The following LMLN variants were observed in gnomAD, a reference collection of about 807,000 sequenced individuals.
The protein encoded by LMLN is leishmanolysin-like peptidase.
LMLN carries 70 observed loss-of-function variants against 92.3 expected under a neutral mutation model. The observed-to-expected ratio is 0.76, with a 90% CI of 0.63 to 0.92. The LOEUF (loss-of-function observed/expected upper bound fraction) is 0.92. LMLN is among the 40% of genes least tolerant of loss of function. The pLI, the probability that LMLN is intolerant of heterozygous loss-of-function variation, is 0.00. For missense variants in LMLN, 691 were observed against 814.6 expected (o/e 0.85, Z 1.85); for synonymous variants, 308 against 296.2 (o/e 1.04, Z -0.41).
intron 3 of LMLN, among the ~76,000 whole-genome samples, chr3:197,975,495 A>G (rs1721345558): frequency 6.7e-6 from 1 of 148,198 alleles, no homozygotes; most frequent in South Asian, 2.1e-4. Context: ...GCATGCACAC[A>G]CACGCGCACG....
intron 1 of LMLN, among the ~76,000 whole-genome samples, chr3:197,966,261 C>G (rs1353877277): frequency 6.6e-6 from 1 of 152,154 alleles, no homozygotes; most frequent in Admixed American, 6.5e-5. Context: ...AGGCTAGTCT[C>G]AAACTCCTGA....
At chr3:197,966,398 A>T (rs1721062047) in intron 1 of LMLN, among the ~76,000 whole-genome samples, 3 of 152,180 alleles carry the variant, frequency 2.0e-5, no homozygotes. Context: ...GTTGAATAAG[A>T]GTGGTGAGAG....
intron 11 of LMLN, among the ~76,000 whole-genome samples, chr3:198,014,940 C>T (rs1192882390): frequency 1.4e-5 from 2 of 138,560 alleles, no homozygotes; most frequent in Non-Finnish European, 3.1e-5. Flanking sequence ...TCTGACTTCT[C>T]TCCACCCTTC....
At chr3:198,014,848 C>T (rs1722576156) in intron 11 of LMLN, among the ~76,000 whole-genome samples, 1 of 130,664 alleles carries the variant, frequency 7.7e-6, no homozygotes. Context: ...TCAGAGCCCC[C>T]TAACTAGTCT....
intron 5 of LMLN, among the ~76,000 whole-genome samples, chr3:197,980,110 A>G (rs899879846): frequency 6.6e-6 from 1 of 152,208 alleles, no homozygotes; most frequent in African/African-American, 2.4e-5. Flanking sequence ...TTATAGGTTT[A>G]TGATCATTTT....
In LMLN at chr3:197,976,521, G is replaced by C. The variant is rs906352669; in HGVS notation, c.432-77G>C. The C allele has an allele frequency of 4.2e-6, 3 of 719,042 alleles. No individual in the cohort carries two copies. In the African/African-American group the frequency reaches 5.4e-5, roughly 13 times the overall value. 44.5% of individuals were successfully genotyped at this position (719,042 alleles called of 1,614,324 possible). A position where few individuals can be genotyped will look rare whatever the true frequency, so the allele number is the denominator to read the frequency against. ...TAATGAAGTAATATAGCAGCTACCA[G>C]TTGGTTTCCATGTTTTTAACTGCTA... On this transcript the variant is annotated intron_variant, in intron 4 of 15. Coordinates refer to ENST00000330198, the Ensembl canonical transcript of LMLN.
At chr3:198,023,121 A>G (rs115789269) in intron 13 of LMLN, among the ~76,000 whole-genome samples, 1,833 of 152,278 alleles carry the variant, frequency 0.012, 15 homozygotes, top group Non-Finnish European at 0.017. Flanking sequence ...TACAGACAGT[A>G]TGTACGTGAA....
At chr3:198,000,654 G>C (rs115583786) in intron 11 of LMLN, among the ~76,000 whole-genome samples, 9,832 of 151,774 alleles carry the variant, frequency 0.065, 378 homozygotes, top group African/African-American at 0.1. Context: ...TCTGGAACTC[G>C]TGACCTCAGG....
chr3:198,035,356 T>C (rs909390308), intron 14 of LMLN, among the ~76,000 whole-genome samples: 2 of 133,350 alleles, frequency 1.5e-5, no homozygotes, highest in African/African-American at 6.9e-5. Flanking sequence ...AATAACCCTC[T>C]TTTGGTTTTT....
chr3:197,987,402 A>C (rs1190321377), intron 8 of LMLN, among the ~76,000 whole-genome samples: 1 of 138,072 alleles, frequency 7.2e-6, no homozygotes, highest in Non-Finnish European at 1.6e-5. Flanking sequence ...CTCGTGATCC[A>C]CCCCTCTCGG....
chr3:198,015,827 A>G (rs1722622307), intron 11 of LMLN, among the ~76,000 whole-genome samples: 1 of 152,198 alleles, frequency 6.6e-6, no homozygotes, highest in African/African-American at 2.4e-5. Flanking sequence ...TAGAAGGGGG[A>G]ATAGAGAAAA....
intron 11 of LMLN, among the ~76,000 whole-genome samples, chr3:198,016,895 A>C (rs1722655794): frequency 6.6e-6 from 1 of 151,998 alleles, no homozygotes; most frequent in Admixed American, 6.6e-5. Context: ...ACAACTACTT[A>C]CCTCTACTTT....
rs1037879244 is a variant in LMLN at position 198,042,310 on chromosome 3, G to A, written c.*3643G>A. The A allele has an allele frequency of 2.0e-5, 3 of 151,906 alleles. No individual in the cohort carries two copies. Among genetic ancestry groups the A allele is most frequent in the Non-Finnish European group, 2.9e-5 (2 of 68,024 alleles). 9.4% of individuals were successfully genotyped at this position (151,906 alleles called of 1,614,324 possible). On this transcript the variant is annotated 3_prime_UTR_variant, in exon 16 of 16. Coordinates refer to ENST00000330198, the Ensembl canonical transcript of LMLN. The surrounding 1 kb of genome is among the most constrained non-coding windows in gnomAD (Gnocchi z 4.2). Reference sequence around the variant, plus strand: ...CGGGAGGCCAAGGCAAGCAGATCACGAGATCAGGAGTTTGAGGTTACAGTG... The same window carrying A: ...CGGGAGGCCAAGGCAAGCAGATCACAAGATCAGGAGTTTGAGGTTACAGTG...
chr3:198,038,944 GTCAGCAACCCAGCCACCTTCA>G (rs1723317562), exon 16 of LMLN: 3 of 178,978 alleles, frequency 1.7e-5, no homozygotes, highest in Non-Finnish European at 1.8e-5. Context: ...CAACCACCTC[GTCAGCAACCCAGCCACCTTCA>G]TCAGCAACCC....
chr3:197,963,198 TCTC>T lies in LMLN; in HGVS notation c.219+2759_219+2761del, dbSNP rs767627756. On this transcript the variant is annotated intron_variant, in intron 1 of 15. Coordinates refer to ENST00000330198, the Ensembl canonical transcript of LMLN. ...ATTTTTTCTTCTGTTTTCTTTTCTC[TCTC>T]TTTTTTTTTTTTGTTTTGTTTTGAG... Among the ~76,000 whole-genome samples, 654 of 122,326 alleles carry T rather than the reference TCTC, an allele frequency of 5.3e-3. 5 individuals are homozygous for T. The highest frequency in any genetic ancestry group is 0.034 in the African/African-American group (616 of 18,208). The allele number at this position is 122,326 out of a possible 152,430, so 80.3% of individuals were successfully genotyped here.
chr3:197,992,686 T>A (rs1721909235), intron 9 of LMLN, among the ~76,000 whole-genome samples: 1 of 152,216 alleles, frequency 6.6e-6, no homozygotes, highest in African/African-American at 2.4e-5. Flanking sequence ...GGTTCACTGC[T>A]GAATTTCACC....
intron 11 of LMLN, among the ~76,000 whole-genome samples, chr3:198,011,179 T>G (rs1243798673): frequency 6.6e-6 from 1 of 152,260 alleles, no homozygotes; most frequent in Non-Finnish European, 1.5e-5. Context: ...ACGTGCAGGT[T>G]TGTTACATAT....
chr3:197,978,594 C>T (rs957183613), intron 5 of LMLN, among the ~76,000 whole-genome samples: 1 of 152,098 alleles, frequency 6.6e-6, no homozygotes, highest in Admixed American at 6.6e-5. Context: ...CTATGATCTT[C>T]CCACTGTACT....
At chr3:197,960,554 C>T (rs1288900090) in intron 1 of LMLN, 114 bp downstream of exon 1, 32 of 926,334 alleles carry the variant, frequency 3.5e-5, no homozygotes, top group Non-Finnish European at 4.7e-5. Flanking sequence ...GAAATTGGGG[C>T]AGAGCCTGAC....
Sources: gnomAD v4.1 joint callset for allele counts (sites outside exome capture counted in the v4.1 genomes callset) on GRCh38, gnomAD v4.1.1 for gene constraint, Gnocchi (gnomAD v3.1) non-coding constraint, MANE v1.5 for transcripts, NCBI Gene and HGNC (gene_info 2026-07-23, HGNC 2026-07-21) for gene names.